CHUK: variants seen among roughly 807,000 people sequenced by gnomAD.
The protein encoded by CHUK is inhibitor of nuclear factor kappa-B kinase subunit alpha.
A neutral mutation model predicts 104.8 loss-of-function variants in CHUK; 35 were observed. That is an observed-to-expected ratio of 0.33 (90% CI 0.26 to 0.44). CHUK has a LOEUF of 0.44. CHUK is among the 20% of genes least tolerant of loss of function. CHUK has a pLI of 1.00. For synonymous variants in CHUK, 276 were observed against 291.9 expected, an observed-to-expected ratio of 0.95 and a Z score of 0.56; for missense variants, 663 against 902.7, an observed-to-expected ratio of 0.73 and a Z score of 3.40.
Position 100,217,977 on chromosome 10 carries a change from A to G in CHUK, c.933+18T>C. 1 of 1,610,790 alleles carries G rather than the reference A, an allele frequency of 6.2e-7. No individual in the cohort carries two copies. Among genetic ancestry groups the G allele is most frequent in the Non-Finnish European group, 8.5e-7 (1 of 1,176,912 alleles). On this transcript the variant is annotated intron_variant, in intron 9 of 20. Transcript: ENST00000370397. ...ACTTTCAATGCTGGTCTTATGCAGT[A>G]GACCCATTAAGACTAACCTTCAAAT...
intron 14 of CHUK, 130 bp downstream of exon 14, chr10:100,201,958 C>G (rs1845473281): frequency 1.3e-6 from 1 of 746,000 alleles, no homozygotes; most frequent in East Asian, 2.5e-5. Flanking sequence ...ATATACAAAG[C>G]ATCTACTAGA....
At chr10:100,203,090 A>T (rs1056318309) in intron 13 of CHUK, among the ~76,000 whole-genome samples, 1 of 152,312 alleles carries the variant, frequency 6.6e-6, no homozygotes, top group South Asian at 2.1e-4. Flanking sequence ...TATGATTTTT[A>T]AAAATTAAAT....
intron 9 of CHUK, among the ~76,000 whole-genome samples, chr10:100,211,421 C>A (rs1328347812): frequency 1.3e-5 from 2 of 151,994 alleles, no homozygotes; most frequent in Admixed American, 1.3e-4. Context: ...CATTTTTGTA[C>A]CTTTTTTTTC....
At chr10:100,225,232 C>G (rs555903807) in intron 2 of CHUK, among the ~76,000 whole-genome samples, 2 of 152,314 alleles carry the variant, frequency 1.3e-5, no homozygotes, top group South Asian at 4.1e-4. Context: ...AAACTCCGCA[C>G]CTATTAAAAA....
At chr10:100,190,559 T>C (rs1312281007) in intron 20 of CHUK, 6 of 375,840 alleles carry the variant, frequency 1.6e-5, no homozygotes, top group Admixed American at 1.2e-4. Flanking sequence ...ATGGAGAAAA[T>C]TGATTGCTGA....
Position 100,193,450 on chromosome 10 carries a change from A to C in CHUK, c.1975-19T>G. 1.2e-6 allele frequency: 2 copies of C among 1,613,834 alleles called. No individual in the cohort carries two copies. Among genetic ancestry groups the C allele is most frequent in the East Asian group, 2.2e-5 (1 of 44,898 alleles). On this transcript the variant is annotated intron_variant, in intron 18 of 20. Coordinates refer to ENST00000370397, the MANE Select transcript of CHUK (RefSeq NM_001278.5). Reference sequence around the variant, plus strand: ...TCTGTGTCTGAAGGAAAAGAAAAAAACATCAAAAGATTACAGGCAAGCATC... The same window carrying C: ...TCTGTGTCTGAAGGAAAAGAAAAAACCATCAAAAGATTACAGGCAAGCATC...
At chr10:100,192,665 C>T in intron 19 of CHUK, 1 of 986,540 alleles carries the variant, frequency 1.0e-6, no homozygotes, top group South Asian at 4.7e-5. Context: ...AGCAAAGAGC[C>T]ACTGGCTTTG....
chr10:100,187,547 G>C (rs927064665), downstream of CHUK: 2 of 152,142 alleles, frequency 1.3e-5, no homozygotes, highest in African/African-American at 4.8e-5. Flanking sequence ...GACATTCTCT[G>C]AAGTTTTTCA....
At chr10:100,192,591 T>A in intron 19 of CHUK, 1 of 985,554 alleles carries the variant, frequency 1.0e-6, no homozygotes, top group Non-Finnish European at 1.2e-6. Context: ...GGGCAGAGCT[T>A]CCAGGAAATG....
chr10:100,189,762 C>A, intron 20 of CHUK, 135 bp from the exon 21 acceptor site: 1 of 607,926 alleles, frequency 1.6e-6, no homozygotes. Context: ...TACCTTATTT[C>A]CTGATTTAAA....
chr10:100,201,939 T>C (rs1845472702), intron 14 of CHUK, 149 bp downstream of exon 14: 4 of 689,188 alleles, frequency 5.8e-6, no homozygotes, highest in South Asian at 1.6e-5. Flanking sequence ...CTATGATACA[T>C]CCCTCTTTAT....
At chr10:100,214,452 G>C (rs1273514836) in intron 9 of CHUK, among the ~76,000 whole-genome samples, 1 of 152,202 alleles carries the variant, frequency 6.6e-6, no homozygotes, top group Non-Finnish European at 1.5e-5. Context: ...ACACTTGGCA[G>C]TAGGAAGCAG....
intron 14 of CHUK, among the ~76,000 whole-genome samples, chr10:100,201,864 A>T (rs1313644831): frequency 6.6e-6 from 1 of 152,062 alleles, no homozygotes; most frequent in Admixed American, 6.6e-5. Context: ...AAAAATAAAT[A>T]AATAAAGGAA....
At chr10:100,226,064 A>C (rs2134253687) in intron 1 of CHUK, 47 bp from the exon 2 acceptor site, 1 of 1,110,834 alleles carries the variant, frequency 9.0e-7, no homozygotes, top group Non-Finnish European at 1.4e-6. Context: ...GGTTCTTGTG[A>C]AGATTTATTT....
chr10:100,229,198 A>AC (rs1846177999), intron 1 of CHUK, among the ~76,000 whole-genome samples: 1 of 152,018 alleles, frequency 6.6e-6, no homozygotes, highest in Non-Finnish European at 1.5e-5. Context: ...TGACAGTCAT[A>AC]CCCAAGTTCC....
chr10:100,209,406 G>A (rs939592788), intron 10 of CHUK, among the ~76,000 whole-genome samples, 189 bp downstream of exon 10: 2 of 152,128 alleles, frequency 1.3e-5, no homozygotes, highest in African/African-American at 4.8e-5. Context: ...GTCTTGCAAA[G>A]TTCAAAACAA....
intron 5 of CHUK, among the ~76,000 whole-genome samples, chr10:100,220,028 T>A (rs1016697656): frequency 6.6e-6 from 1 of 152,102 alleles, no homozygotes; most frequent in African/African-American, 2.4e-5. Flanking sequence ...TGGAATGAAA[T>A]TTGGATGCTG....
chr10:100,229,561 C>T lies in CHUK; in HGVS notation c.-29G>A. ...GCGGGAGGGCAAGCGGCCTCAGGTT[C>T]CACAGTTGTTCCAAGGCCGGTTCCG... On this transcript the variant is annotated 5_prime_UTR_variant, in exon 1 of 21. Transcript: ENST00000370397. The T allele has an allele frequency of 7.0e-7, 1 of 1,431,002 alleles. No individual in the cohort carries two copies. Among genetic ancestry groups the T allele is most frequent in the Non-Finnish European group, 9.4e-7 (1 of 1,058,648 alleles). 88.6% of individuals were successfully genotyped at this position (1,431,002 alleles called of 1,614,324 possible). A position where few individuals can be genotyped will look rare whatever the true frequency, so the allele number is the denominator to read the frequency against.
chr10:100,198,358 G>C (rs963039286), intron 16 of CHUK, among the ~76,000 whole-genome samples: 6 of 152,114 alleles, frequency 3.9e-5, no homozygotes, highest in African/African-American at 1.4e-4. Flanking sequence ...ATACTCAAGC[G>C]TTGAGATTTA....
Sources: allele counts gnomAD v4.1 joint callset (sites outside exome capture counted in the v4.1 genomes callset), GRCh38; gene constraint gnomAD v4.1.1; transcripts MANE v1.5; gene names NCBI Gene and HGNC (gene_info 2026-07-23, HGNC 2026-07-21).